The following VPS53 variants were observed in gnomAD, a reference collection of about 807,000 sequenced individuals.
The protein encoded by VPS53 is vacuolar protein sorting-associated protein 53 homolog.
A neutral mutation model predicts 107.0 loss-of-function variants in VPS53; 70 were observed. The ratio of observed to expected loss-of-function variants is 0.65; its 90% CI spans 0.54 to 0.80. The LOEUF (loss-of-function observed/expected upper bound fraction) is 0.80, where lower values mean the gene tolerates loss of function less well. Ranked by LOEUF, VPS53 falls within the 30% of genes least tolerant of loss-of-function variation. The probability of loss-of-function intolerance (pLI) is 0.00; values close to 1 mark genes in which losing one functional copy is unlikely to be tolerated. For synonymous variants in VPS53, 409 were observed against 393.3 expected, an observed-to-expected ratio of 1.04 and a Z score of -0.47; for missense variants, 917 against 1,049.4, an observed-to-expected ratio of 0.87 and a Z score of 1.74.
intron 15 of VPS53, among the ~76,000 whole-genome samples, chr17:554,310 C>A (rs1024605383): frequency 6.6e-6 from 1 of 152,184 alleles, no homozygotes; most frequent in East Asian, 1.9e-4. Flanking sequence ...AGAAAAATAA[C>A]GGGACCAAGA....
chr17:580,077 G>T (rs997089722), intron 13 of VPS53, among the ~76,000 whole-genome samples: 6 of 140,644 alleles, frequency 4.3e-5, no homozygotes, highest in South Asian at 4.7e-4. Context: ...GACCTAATGC[G>T]GTCCCAGAGA....
At chr17:713,996 G>A (rs1973745012) in intron 1 of VPS53, 1 of 145,438 alleles carries the variant, frequency 6.9e-6, no homozygotes, top group Non-Finnish European at 1.5e-5. Flanking sequence ...AGTGAGCCGA[G>A]ATCGTGCCGT....
chr17:699,983 A>T (rs569335726), intron 2 of VPS53, among the ~76,000 whole-genome samples: 20 of 152,272 alleles, frequency 1.3e-4, no homozygotes, highest in Non-Finnish European at 2.4e-4. Flanking sequence ...AGATTTTTTT[A>T]AATGTTTTAT....
Position 520,859 on chromosome 17 carries a change from T to TTCACCCTCACCTACATGAGCTCC in VPS53, c.2223+741_2223+742insGGAGCTCATGTAGGTGAGGGTGA, listed in dbSNP as rs1908696282. On this transcript the variant is annotated intron_variant, in intron 20 of 21. Coordinates refer to ENST00000437048, the MANE Select transcript of VPS53 (RefSeq NM_001128159.3). This position sits in a 1 kb window ranked among gnomAD's most constrained non-coding sequence, Gnocchi z 4.4. ...GCTTCACCCTCACCTACATGAGCTC[T>TTCACCCTCACCTACATGAGCTCC]TCACCCTCACCTACATGAGCTCTTC... 1.3e-5 allele frequency among the ~76,000 whole-genome samples: 2 copies of TTCACCCTCACCTACATGAGCTCC among 150,968 alleles called. No homozygotes were observed. Among genetic ancestry groups the TTCACCCTCACCTACATGAGCTCC allele is most frequent in the African/African-American group, 2.4e-5 (1 of 41,050 alleles).
chr17:657,651 A>G, intron 5 of VPS53: 1 of 595,202 alleles, frequency 1.7e-6, no homozygotes, highest in Non-Finnish European at 3.0e-6. Context: ...CCTGGAAGGA[A>G]GGGAGTGCCC....
chr17:553,473 A>G lies in VPS53; in HGVS notation c.1705-11T>C. The stretch of plus-strand genomic sequence containing the variant: ...GAGTTTTTCTTCTAGCTGTTGAAAA[A>G]CAGAAGAAATGGATGCACGGTTAAT... On this transcript the variant is annotated splice_polypyrimidine_tract_variant and intron_variant, in intron 15 of 21. Transcript: ENST00000437048. 1 of 1,605,262 alleles carries G rather than the reference A, an allele frequency of 6.2e-7. No homozygotes were observed. The highest frequency in any genetic ancestry group is 8.5e-7 in the Non-Finnish European group (1 of 1,172,568).
chr17:612,829 C>A (rs1347263546), intron 11 of VPS53, among the ~76,000 whole-genome samples: 2 of 149,754 alleles, frequency 1.3e-5, no homozygotes, highest in East Asian at 2.0e-4. Context: ...ACAGTGAAAA[C>A]CTGTACAGAT....
At chr17:706,017 G>A (rs1973384859) in intron 2 of VPS53, 1 of 152,160 alleles carries the variant, frequency 6.6e-6, no homozygotes, top group Non-Finnish European at 1.5e-5. Flanking sequence ...TGCTGTCACT[G>A]TATTTGGCAT....
In VPS53 at chr17:562,674, T is replaced by A; in HGVS notation, c.1385A>T (p.Asp462Val). 6.2e-7 allele frequency: 1 copy of A among 1,613,632 alleles called. No homozygotes were observed. The highest frequency in any genetic ancestry group is 2.2e-5 in the East Asian group (1 of 44,854). The change falls in exon 14 of 22, where the codon GAT becomes GTT. Residue 462 changes from aspartate (D) to valine (V), a missense_variant. Asp to Val is a radical substitution (Grantham distance 152, BLOSUM62 -3). Coordinates refer to ENST00000437048, the MANE Select transcript of VPS53 (RefSeq NM_001128159.3). ...GCTGGGGAGCACGGCACCCCCTTCATCAGTGTTGGGCTTAGGTGGCCCCTG... is the reference window on the plus strand; with the variant it reads ...GCTGGGGAGCACGGCACCCCCTTCAACAGTGTTGGGCTTAGGTGGCCCCTG... ...KAQGPPKPNT[D>V]EGGAVLPSCA...
intron 6 of VPS53, among the ~76,000 whole-genome samples, 196 bp from the exon 7 acceptor site, chr17:653,606 T>C (rs914951486): frequency 2.0e-5 from 3 of 152,126 alleles, no homozygotes; most frequent in Non-Finnish European, 4.4e-5. Flanking sequence ...GGTGACACCA[T>C]ATAGTAAGGG....
intron 6 of VPS53, among the ~76,000 whole-genome samples, chr17:655,587 G>T (rs1159545977): frequency 6.6e-6 from 1 of 152,276 alleles, no homozygotes; most frequent in Admixed American, 6.5e-5. Context: ...ACAGCCTGAA[G>T]ATGGGCCATA....
At chr17:570,368 G>A (rs1913926901) in intron 13 of VPS53, among the ~76,000 whole-genome samples, 1 of 65,230 alleles carries the variant, frequency 1.5e-5, no homozygotes, top group East Asian at 4.1e-4. Flanking sequence ...AAACGACTCT[G>A]TCTCAAAAAA....
chr17:688,187 G>A (rs1282497075), intron 4 of VPS53, among the ~76,000 whole-genome samples: 2 of 152,162 alleles, frequency 1.3e-5, no homozygotes, highest in Non-Finnish European at 2.9e-5. Context: ...ACATGTCATA[G>A]GAGGGACCTG....
intron 11 of VPS53, among the ~76,000 whole-genome samples, chr17:611,459 G>A (rs1349427880): frequency 6.6e-6 from 1 of 152,224 alleles, no homozygotes; most frequent in Non-Finnish European, 1.5e-5. Context: ...AAGGATATGG[G>A]GAAACTGGAC....
intron 7 of VPS53, among the ~76,000 whole-genome samples, chr17:646,068 G>T (rs965384073): frequency 1.6e-5 from 2 of 123,770 alleles, no homozygotes; most frequent in Admixed American, 1.9e-4. Context: ...CCTGATAAGG[G>T]TCTTATCTTT....
At chr17:661,941 G>A in intron 4 of VPS53, 46 bp from the exon 5 acceptor site, 1 of 1,446,596 alleles carries the variant, frequency 6.9e-7, no homozygotes, top group Non-Finnish European at 9.5e-7. Flanking sequence ...GCTAGAGACA[G>A]CTCCAGTCAC....
rs1908203009 is a variant in VPS53 at position 515,042 on chromosome 17, T to G, written c.*4086A>C. The G allele has an allele frequency of 1.3e-5, 2 of 152,226 alleles. No homozygotes were observed. The highest frequency in any genetic ancestry group is 4.8e-5 in the African/African-American group (2 of 41,448). 9.4% of individuals were successfully genotyped at this position (152,226 alleles called of 1,614,324 possible). ...CCAGCTTTCAGACAAGTCCCCTCAG[T>G]AAGAGCAGAGTGAACTCTTTATTGA... is the stretch of plus-strand genomic sequence containing the variant. On this transcript the variant is annotated 3_prime_UTR_variant, in exon 22 of 22. Transcript: ENST00000437048.
chr17:699,465 T>C (rs1246508708), intron 2 of VPS53, 85 bp from the exon 3 acceptor site: 1 of 1,116,106 alleles, frequency 9.0e-7, no homozygotes, highest in Admixed American at 3.0e-5. Context: ...CTATAATAGC[T>C]ACTTATGAAA....
intron 13 of VPS53, among the ~76,000 whole-genome samples, chr17:563,398 C>A (rs961104767): frequency 6.7e-6 from 1 of 149,394 alleles, no homozygotes; most frequent in Non-Finnish European, 1.5e-5. Flanking sequence ...AGGGTTCAAG[C>A]AATTCTCCTG....
Sources: allele counts gnomAD v4.1 joint callset (sites outside exome capture counted in the v4.1 genomes callset), GRCh38; gene constraint gnomAD v4.1.1; non-coding constraint Gnocchi (gnomAD v3.1); transcripts MANE v1.5; gene names NCBI Gene and HGNC (gene_info 2026-07-23, HGNC 2026-07-21).